The following THADA variants were observed in gnomAD, a reference collection of about 807,000 sequenced individuals.
THADA encodes tRNA (32-2'-O)-methyltransferase regulator THADA.
Under a neutral mutation model 219.8 loss-of-function variants are expected in THADA, and 213 were observed. The observed-to-expected ratio is 0.97, with a 90% CI of 0.87 to 1.09. The LOEUF is 1.09. Ranked by LOEUF, THADA falls within the 50% of genes least tolerant of loss-of-function variation. THADA has a pLI of 0.00. For missense variants in THADA, 2,956 were observed against 2,311.3 expected (o/e 1.28, Z -5.72); for synonymous variants, 1,018 against 828.9 (o/e 1.23, Z -3.92).
chr2:43,488,974 T>C (rs1457803763), intron 25 of THADA, among the ~76,000 whole-genome samples: 2 of 152,162 alleles, frequency 1.3e-5, no homozygotes, highest in Non-Finnish European at 2.9e-5. Context: ...TTTTTGGAGA[T>C]AAATATTCTT....
intron 36 of THADA, among the ~76,000 whole-genome samples, chr2:43,246,603 A>T (rs1170694091): frequency 6.6e-6 from 1 of 152,226 alleles, no homozygotes; most frequent in African/African-American, 2.4e-5. Context: ...AATAGAACAA[A>T]TACAGTTTAT....
chr2:43,269,362 G>T (rs1303137908), intron 36 of THADA, among the ~76,000 whole-genome samples: 2 of 152,222 alleles, frequency 1.3e-5, no homozygotes, highest in African/African-American at 4.8e-5. Flanking sequence ...TCTCTCTGGG[G>T]ATTAGTCACT....
Position 43,586,444 on chromosome 2 carries a change from G to A in THADA, c.490C>T (p.His164Tyr). ...SVNNLLKNVL[H>Y]FLQKSLIEIL... Reference sequence around the variant, plus strand: ...TCAATTAAACTCTTCTGCAGAAAATGAAGCACTGAAACAAAAAGAATATGA... The same window carrying A: ...TCAATTAAACTCTTCTGCAGAAAATAAAGCACTGAAACAAAAAGAATATGA... Residue 164 changes from histidine (H) to tyrosine (Y), a missense_variant, in exon 7 of 38, where the codon CAT (histidine) becomes TAT (tyrosine). His to Tyr is a moderately conservative substitution (Grantham distance 83). Transcript: ENST00000405975. 2 of 1,575,128 alleles carry A rather than the reference G, an allele frequency of 1.3e-6. No individual in the cohort carries two copies. Among genetic ancestry groups the A allele is most frequent in the East Asian group, 4.6e-5 (2 of 43,894 alleles).
chr2:43,557,415 C>G (rs111890967), intron 16 of THADA, among the ~76,000 whole-genome samples: 3 of 152,222 alleles, frequency 2.0e-5, no homozygotes, highest in Non-Finnish European at 4.4e-5. Flanking sequence ...GGCTGCCCTT[C>G]TCCCTTCCTC....
chr2:43,578,374 T>C (rs1700076090), intron 9 of THADA, 139 bp downstream of exon 9: 2 of 486,322 alleles, frequency 4.1e-6, no homozygotes, highest in Non-Finnish European at 7.5e-6. Flanking sequence ...CTCAAACTCC[T>C]GGCCTCAAGT....
At chr2:43,282,195 G>A (rs980079021) in intron 35 of THADA, among the ~76,000 whole-genome samples, 3 of 152,144 alleles carry the variant, frequency 2.0e-5, no homozygotes, top group Non-Finnish European at 4.4e-5. Context: ...CTGCAAAATG[G>A]TATTAACTTT....
chr2:43,236,052 A>G (rs1572711988), intron 36 of THADA, among the ~76,000 whole-genome samples: 1 of 151,710 alleles, frequency 6.6e-6, no homozygotes, highest in African/African-American at 2.4e-5. Context: ...CTTGTGATCC[A>G]CCTGCCTCGG....
At chr2:43,484,965 C>T (rs373284656) in intron 26 of THADA, among the ~76,000 whole-genome samples, 2 of 149,342 alleles carry the variant, frequency 1.3e-5, no homozygotes, top group South Asian at 2.1e-4. Flanking sequence ...AAAAAAAACA[C>T]TAGCTTTTGC....
chr2:43,277,977 G>C (rs144682150), intron 36 of THADA, among the ~76,000 whole-genome samples: 51 of 136,638 alleles, frequency 3.7e-4, no homozygotes, highest in African/African-American at 1.5e-3. Context: ...TTGAGATGAA[G>C]TCTTGCTCTG....
chr2:43,407,545 T>G (rs1466909949), intron 28 of THADA, among the ~76,000 whole-genome samples: 3 of 152,192 alleles, frequency 2.0e-5, no homozygotes, highest in Non-Finnish European at 4.4e-5. Flanking sequence ...TTCAGGTGAT[T>G]ATCTCTGAAA....
rs150156065 is a variant in THADA, at chr2:43,248,567, G to A, written c.5297-15685C>T. Among the ~76,000 whole-genome samples, 6 of 152,272 alleles carry A rather than the reference G, an allele frequency of 3.9e-5. No homozygotes were observed. In the East Asian group the frequency reaches 1.2e-3, roughly 29 times the overall value. On this transcript the variant is annotated intron_variant, in intron 36 of 37. Transcript: ENST00000405975. ...ATTGATTAAGGAATTAAACTGGATT[G>A]TAGGAGTTACGATGGAAAATAATTT... is the stretch of plus-strand genomic sequence containing the variant.
chr2:43,512,137 T>C (rs562322743), intron 22 of THADA, among the ~76,000 whole-genome samples: 45 of 152,326 alleles, frequency 3.0e-4, no homozygotes, highest in South Asian at 2.9e-3. Context: ...ATGCCATCGA[T>C]AGAGCCATCT....
intron 29 of THADA, among the ~76,000 whole-genome samples, chr2:43,365,156 C>G (rs1202818253): frequency 6.6e-6 from 1 of 151,980 alleles, no homozygotes; most frequent in Non-Finnish European, 1.5e-5. Context: ...AACTCCTGAC[C>G]TCAGGTGATC....
chr2:43,536,639 T>C (rs1694637537), intron 21 of THADA, among the ~76,000 whole-genome samples: 1 of 152,110 alleles, frequency 6.6e-6, no homozygotes, highest in Non-Finnish European at 1.5e-5. Context: ...CTACATGCCA[T>C]GTTTCCAGGC....
intron 20 of THADA, among the ~76,000 whole-genome samples, chr2:43,546,581 T>G (rs530619122): frequency 2.0e-5 from 3 of 152,160 alleles, no homozygotes; most frequent in Non-Finnish European, 4.4e-5. Flanking sequence ...ATATTTAGGA[T>G]AGTGAGCTCT....
intron 16 of THADA, among the ~76,000 whole-genome samples, 180 bp downstream of exon 16, chr2:43,560,054 A>G (rs1470728716): frequency 6.6e-6 from 1 of 152,214 alleles, no homozygotes; most frequent in Non-Finnish European, 1.5e-5. Context: ...TTACTTTTTG[A>G]TATTTCCTCC....
In THADA at chr2:43,231,104, T is replaced by G. The variant is rs878958596; in HGVS notation, c.5706A>C (p.Thr1902=). ...AAEFVKTVEF[T]RLRIQEERTL... ...TCCTTTCCTCTTGAATGCGTAGTCT[T>G]GTGAACTCCACTGTCTTCACAAACT... Residue 1902 remains threonine (T), a synonymous_variant, in exon 38 of 38, where the codon ACA becomes ACC. Coordinates refer to ENST00000405975, the MANE Select transcript of THADA (RefSeq NM_022065.5). The G allele has an allele frequency of 2.5e-6, 4 of 1,613,828 alleles. No homozygotes were observed. In the Admixed American group the frequency reaches 6.7e-5, roughly 27 times the overall value.
chr2:43,386,266 C>A (rs1432075588), intron 29 of THADA, among the ~76,000 whole-genome samples: 2 of 151,648 alleles, frequency 1.3e-5, no homozygotes, highest in Non-Finnish European at 2.9e-5. Flanking sequence ...AGAAAAGGCA[C>A]AAAATATGCA....
chr2:43,579,809 T>C (rs1700220737), intron 8 of THADA, among the ~76,000 whole-genome samples: 1 of 152,258 alleles, frequency 6.6e-6, no homozygotes, highest in African/African-American at 2.4e-5. Context: ...AAAACCAACC[T>C]GCTGAAGATG....
Sources: gnomAD v4.1 joint callset for allele counts (sites outside exome capture counted in the v4.1 genomes callset) on GRCh38, gnomAD v4.1.1 for gene constraint, MANE v1.5 for transcripts, NCBI Gene and HGNC (gene_info 2026-07-23, HGNC 2026-07-21) for gene names.